The following WDR1 variants were observed in gnomAD, a reference collection of about 807,000 sequenced individuals.
The protein encoded by WDR1 is WD repeat domain 1.
In WDR1, 21 loss-of-function variants were observed where a neutral mutation model predicts 71.9. That is an observed-to-expected ratio of 0.29 (90% confidence interval 0.21 to 0.42). The LOEUF (loss-of-function observed/expected upper bound fraction) is 0.42, where lower values mean the gene tolerates loss of function less well. Among genes scored for constraint, WDR1 ranks in the 10% least tolerant of loss-of-function variants. The pLI, the probability that WDR1 is intolerant of heterozygous loss-of-function variation, is 1.00. For synonymous variants in WDR1, 424 were observed against 347.4 expected (o/e 1.22, Z -2.45); for missense variants, 696 against 824.5 (o/e 0.84, Z 1.91).
intron 10 of WDR1, 116 bp from the exon 11 acceptor site, chr4:10,081,560 C>A (rs1765014859): frequency 1.2e-6 from 1 of 861,428 alleles, no homozygotes; most frequent in African/African-American, 1.7e-5. Context: ...TCTATTGCCA[C>A]CTATACTGGA....
chr4:10,112,187 G>A (rs965439811), intron 2 of WDR1, among the ~76,000 whole-genome samples: 2 of 152,104 alleles, frequency 1.3e-5, no homozygotes, highest in Non-Finnish European at 2.9e-5. Flanking sequence ...AGCCATTGGG[G>A]GTGACCCTTC....
At position 10,097,720 on chromosome 4, in the gene WDR1, G is replaced by C. The variant is rs1560539508; in HGVS notation, c.549C>G (p.Phe183Leu). 1 of 1,607,532 alleles carries C rather than the reference G, an allele frequency of 6.2e-7. No individual in the cohort carries two copies. Among genetic ancestry groups the C allele is most frequent in the Non-Finnish European group, 8.5e-7 (1 of 1,175,894 alleles). ...AAGTAAGTTCACTTACGCCAATTGT[G>C]AACTTGAACTTGAATGGGGGTCCCT... ...FFEGPPFKFKFTIGDHSRFVN... is the reference protein window; with the variant it reads ...FFEGPPFKFKLTIGDHSRFVN... Residue 183 changes from phenylalanine to leucine, a missense_variant, in exon 5 of 15, where the codon TTC (phenylalanine) becomes TTG (leucine). Coordinates refer to ENST00000499869, the MANE Select transcript of WDR1 (RefSeq NM_017491.5).
At chr4:10,111,364 T>C (rs1713350914) in intron 2 of WDR1, among the ~76,000 whole-genome samples, 1 of 152,172 alleles carries the variant, frequency 6.6e-6, no homozygotes, top group Non-Finnish European at 1.5e-5. Flanking sequence ...GACTGGCACC[T>C]GCAGCCACTC....
In WDR1 at chr4:10,074,673, G is replaced by C. The variant is rs1379189128; in HGVS notation, c.*705C>G. 2.6e-5 allele frequency: 4 copies of C among 152,490 alleles called. No homozygotes were observed. The highest frequency in any genetic ancestry group is 2.6e-4 in the Admixed American group (4 of 15,254). 9.4% of individuals were successfully genotyped at this position (152,490 alleles called of 1,614,324 possible). ...AGGACACCTCGGTCTGGCTAACAAG[G>C]GTTCTAAAAACTTGGACACGGTGCC... On this transcript the variant is annotated 3_prime_UTR_variant, in exon 15 of 15. Transcript: ENST00000499869.
At chr4:10,079,524 C>T (rs1353156327) in intron 11 of WDR1, among the ~76,000 whole-genome samples, 1 of 152,338 alleles carries the variant, frequency 6.6e-6, no homozygotes, top group African/African-American at 2.4e-5. Context: ...ATCCAAGCCT[C>T]GGCACCCGCA....
At chr4:10,115,991 G>T in intron 2 of WDR1, 122 bp downstream of exon 2, 2 of 1,362,636 alleles carry the variant, frequency 1.5e-6, no homozygotes, top group Admixed American at 2.4e-5. Flanking sequence ...CGGTAGAGGG[G>T]GCGTGGCGCC....
intron 3 of WDR1, among the ~76,000 whole-genome samples, chr4:10,100,154 C>T (rs1288313579): frequency 6.6e-6 from 1 of 152,246 alleles, no homozygotes; most frequent in Non-Finnish European, 1.5e-5. Context: ...CACCACAGCT[C>T]TACAGCTGCT....
At chr4:10,103,228 C>G (rs1225549510) in intron 3 of WDR1, among the ~76,000 whole-genome samples, 1 of 151,362 alleles carries the variant, frequency 6.6e-6, no homozygotes, top group Non-Finnish European at 1.5e-5. Context: ...AAAGGAGCAG[C>G]GGGTAAAGAT....
At chr4:10,107,428 C>T (rs796359881) in intron 2 of WDR1, among the ~76,000 whole-genome samples, 2 of 152,300 alleles carry the variant, frequency 1.3e-5, no homozygotes, top group East Asian at 1.9e-4. Context: ...CTTCAAATCC[C>T]GACCCTGATT....
At chr4:10,104,355 C>G (rs370267665) in intron 2 of WDR1, among the ~76,000 whole-genome samples, 4 of 152,310 alleles carry the variant, frequency 2.6e-5, no homozygotes, top group African/African-American at 9.6e-5. Flanking sequence ...TTGTGGGAAG[C>G]TGCATTCATT....
At position 10,097,855 on chromosome 4, in the gene WDR1, A is replaced by T. The variant is rs187107828; in HGVS notation, c.414T>A (p.Ser138=). ...GAVFLWDSGS[S]VGEITGHNKV... ...TGTTGTGTCCTGTAATCTCGCCCACAGAAGAGCCACTATCCCAGAGGAAGA... is the reference window on the plus strand; with the variant it reads ...TGTTGTGTCCTGTAATCTCGCCCACTGAAGAGCCACTATCCCAGAGGAAGA... Residue 138 remains serine, a synonymous_variant, in exon 5 of 15, where the codon TCT becomes TCA. Transcript: ENST00000499869. 1.2e-3 allele frequency: 1,918 copies of T among 1,611,214 alleles called. 1 individual carries two copies. Among genetic ancestry groups the T allele is most frequent in the Admixed American group, 1.7e-3 (99 of 59,834 alleles).
At chr4:10,100,984 G>C (rs1342832328) in intron 3 of WDR1, among the ~76,000 whole-genome samples, 1 of 152,246 alleles carries the variant, frequency 6.6e-6, no homozygotes, top group Non-Finnish European at 1.5e-5. Flanking sequence ...CTCAGGACAA[G>C]GCAGAGGGCG....
At chr4:10,110,946 G>A (rs1004986370) in intron 2 of WDR1, among the ~76,000 whole-genome samples, 3 of 152,226 alleles carry the variant, frequency 2.0e-5, no homozygotes, top group Non-Finnish European at 4.4e-5. Flanking sequence ...CTGGTCCTCT[G>A]TGGCTTAGGG....
chr4:10,114,148 C>G (rs1713564638), intron 2 of WDR1, among the ~76,000 whole-genome samples: 1 of 152,318 alleles, frequency 6.6e-6, no homozygotes, highest in East Asian at 1.9e-4. Context: ...TGATCTACAT[C>G]CAGCCCAGGG....
chr4:10,101,821 C>A (rs1381961997), intron 3 of WDR1, among the ~76,000 whole-genome samples: 1 of 152,260 alleles, frequency 6.6e-6, no homozygotes, highest in East Asian at 1.9e-4. Flanking sequence ...GAAGACACTT[C>A]TAAGAGCATT....
Position 10,084,425 on chromosome 4 carries a change from C to CT in WDR1, c.1039+17dup. On this transcript the variant is annotated intron_variant, in intron 9 of 14. Coordinates refer to ENST00000499869, the MANE Select transcript of WDR1 (RefSeq NM_017491.5). ...AGAGCCAGCGGCTCCGGAGCCAGCT[C>CT]TTTGAGTCAAAGGATATTAATGTGT... The CT allele has an allele frequency of 6.2e-7, 1 of 1,612,036 alleles. No homozygotes were observed.
intron 8 of WDR1, 46 bp from the exon 9 acceptor site, chr4:10,084,576 C>T: frequency 6.4e-7 from 1 of 1,565,886 alleles, no homozygotes; most frequent in African/African-American, 1.4e-5. Flanking sequence ...ACACACTGCC[C>T]TGCCCTCTGC....
At chr4:10,095,510 G>T (rs895448078) in intron 5 of WDR1, among the ~76,000 whole-genome samples, 3 of 152,118 alleles carry the variant, frequency 2.0e-5, no homozygotes, top group Admixed American at 6.5e-5. Context: ...ACTTCCCCCA[G>T]CCTGCACGCG....
rs919008322 is a variant in WDR1 at position 10,115,750 on chromosome 4, C to G, written c.138+363G>C. ...CAGCGGCCGACCGGGTCAGTCTGAT[C>G]CCTCAAATCCGGAGCCCTTGCTTTT... On this transcript the variant is annotated intron_variant, in intron 2 of 14. Transcript: ENST00000499869. 1.7e-5 allele frequency: 3 copies of G among 173,314 alleles called. No individual in the cohort carries two copies. In the Admixed American group the frequency reaches 1.9e-4, roughly 11 times the overall value. The allele number at this position is 173,314 out of a possible 1,614,324, so 10.7% of individuals were successfully genotyped here.
Sources: gnomAD v4.1 joint callset for allele counts (sites outside exome capture counted in the v4.1 genomes callset) on GRCh38, gnomAD v4.1.1 for gene constraint, MANE v1.5 for transcripts, NCBI Gene and HGNC (gene_info 2026-07-23, HGNC 2026-07-21) for gene names.